The following SAP18 variants were observed in gnomAD, a reference collection of about 807,000 sequenced individuals.
SAP18 encodes the protein histone deacetylase complex subunit SAP18.
SAP18 carries 4 observed loss-of-function variants against 18.6 expected under a neutral mutation model. The observed-to-expected ratio is 0.21, with a 90% CI of 0.11 to 0.49. The LOEUF (loss-of-function observed/expected upper bound fraction) is 0.49, where lower values mean the gene tolerates loss of function less well. Ranked by LOEUF, SAP18 falls within the 20% of genes least tolerant of loss-of-function variation. The probability of loss-of-function intolerance (pLI) is 0.98; values close to 1 mark genes in which losing one functional copy is unlikely to be tolerated. For synonymous variants in SAP18, 112 were observed against 82.8 expected, an observed-to-expected ratio of 1.35 and a Z score of -1.92; for missense variants, 170 against 226.4, an observed-to-expected ratio of 0.75 and a Z score of 1.60.
chr13:21,140,385 C>A (rs1290885936), upstream of SAP18: 3 of 663,570 alleles, frequency 4.5e-6, no homozygotes, highest in African/African-American at 5.5e-5. Flanking sequence ...ACGCTAAGCA[C>A]CTCCTCCCCG....
At chr13:21,142,547 G>A (rs1869506844) in intron 2 of SAP18, among the ~76,000 whole-genome samples, 3 of 151,684 alleles carry the variant, frequency 2.0e-5, no homozygotes, top group South Asian at 2.1e-4. Flanking sequence ...GGCTGGTCTC[G>A]AACTCCTGAC....
At chr13:21,147,348 A>G (rs768581538) in exon 4 of SAP18, 5 of 1,595,988 alleles carry the variant, frequency 3.1e-6, no homozygotes, top group African/African-American at 1.4e-5. Flanking sequence ...ATTAAATTCT[A>G]TTTACTATTT....
At chr13:21,146,895 C>A in exon 3 of SAP18, 1 of 1,612,746 alleles carries the variant, frequency 6.2e-7, no homozygotes, top group South Asian at 1.1e-5. Flanking sequence ...ATTTTGCAAT[C>A]GTTTTTACAG....
upstream of SAP18, among the ~76,000 whole-genome samples, chr13:21,140,325 T>C (rs888865958): frequency 3.3e-5 from 5 of 152,194 alleles, no homozygotes; most frequent in Non-Finnish European, 7.4e-5. Context: ...ATGTCGCCTG[T>C]GAATATTTAA....
intron 2 of SAP18, among the ~76,000 whole-genome samples, chr13:21,141,991 A>G (rs1869484915): frequency 6.6e-6 from 1 of 150,944 alleles, no homozygotes. Flanking sequence ...ATTGTGATGA[A>G]AAGATATATA....
At chr13:21,144,002 A>G (rs114374086) in intron 2 of SAP18, among the ~76,000 whole-genome samples, 2 of 152,188 alleles carry the variant, frequency 1.3e-5, no homozygotes, top group African/African-American at 4.8e-5. Flanking sequence ...GTCCCAAGAG[A>G]AGTTATGGAA....
At chr13:21,146,355 C>T (rs1404595772) in intron 2 of SAP18, 2 of 153,474 alleles carry the variant, frequency 1.3e-5, no homozygotes, top group South Asian at 2.0e-4. Flanking sequence ...AAAAACAAAA[C>T]GTCAGTATGA....
At chr13:21,140,627 C>A (rs964979702) in exon 1 of SAP18, 10 of 1,612,402 alleles carry the variant, frequency 6.2e-6, no homozygotes, top group Non-Finnish European at 8.5e-6. Flanking sequence ...TGGAGTCGCG[C>A]GTTACCCAGG....
At chr13:21,141,952 T>C (rs1869483153) in intron 2 of SAP18, among the ~76,000 whole-genome samples, 1 of 151,010 alleles carries the variant, frequency 6.6e-6, no homozygotes, top group African/African-American at 2.4e-5. Context: ...AGGTGTGAGC[T>C]ACTGCGCCCA....
Position 21,141,108 on chromosome 13 carries a change from G to C in SAP18, c.239+113G>C, listed in dbSNP as rs1039518638. The C allele has an allele frequency of 6.9e-6, 5 of 723,042 alleles. No homozygotes were observed. The Admixed American group carries it at 1.1e-4, about 16-fold the overall frequency. 44.8% of individuals were successfully genotyped at this position (723,042 alleles called of 1,614,324 possible). ...TGATTTCAATTTCATTTCTCCACTT[G>C]GGGCCTTCGGACTCAGCTTTCAGGA... is the stretch of plus-strand genomic sequence containing the variant. On this transcript the variant is annotated intron_variant, in intron 2 of 3. Transcript: ENST00000621421.
At chr13:21,140,369 C>A (rs1452131192), upstream of SAP18, 69 of 612,208 alleles carry the variant, frequency 1.1e-4, no homozygotes, top group Non-Finnish European at 1.7e-5. Flanking sequence ...AACTGCTAGG[C>A]GACGGACGCT....
At chr13:21,140,461 G>T (rs908359977), upstream of SAP18, 3 of 1,409,600 alleles carry the variant, frequency 2.1e-6, no homozygotes, top group African/African-American at 1.4e-5. Flanking sequence ...CGCTCACCAC[G>T]CACGGAAGTG....
rs1869638024 is a variant in SAP18 at position 21,146,039 on chromosome 13, C to CT, written c.240-765dup. ...TCTGTTGTAAAACTTACAATTCTAT[C>CT]TAAGAAAGAAGAAACACATCTGGCT... On this transcript the variant is annotated intron_variant, in intron 2 of 3. Coordinates refer to ENST00000621421, the Ensembl canonical transcript of SAP18. Among the ~76,000 whole-genome samples the CT allele has an allele frequency of 2.6e-5, 4 of 152,236 alleles. 1 individual carries two copies. The South Asian group carries it at 8.3e-4, about 32-fold the overall frequency.
chr13:21,148,875 T>G (rs1437429778), exon 4 of SAP18: 1 of 152,216 alleles, frequency 6.6e-6, no homozygotes, highest in Non-Finnish European at 1.5e-5. Context: ...ACCCTTTGCT[T>G]GGTTCCAACA....
At position 21,140,743 on chromosome 13, in the gene SAP18, G is replaced by A. The variant is rs1221759420; in HGVS notation, c.129+62G>A. The A allele has an allele frequency of 3.8e-6, 6 of 1,596,754 alleles. No homozygotes were observed. The African/African-American group carries it at 6.7e-5, about 18-fold the overall frequency. On this transcript the variant is annotated intron_variant, in intron 1 of 3. Transcript: ENST00000621421. ...TTGGGGATGAGTCCCGCAGGGTGCA[G>A]AGGCGCGGCCTGTGTGCTGGAGGAG...
chr13:21,144,263 G>A (rs1480428922), intron 2 of SAP18, among the ~76,000 whole-genome samples: 1 of 152,022 alleles, frequency 6.6e-6, no homozygotes, highest in Non-Finnish European at 1.5e-5. Flanking sequence ...AAATTAGCCA[G>A]GCATGGTGGC....
chr13:21,140,814 G>A (rs1869438005), intron 1 of SAP18, 72 bp from the exon 2 acceptor site: 1 of 1,574,960 alleles, frequency 6.3e-7, no homozygotes, highest in African/African-American at 1.3e-5. Flanking sequence ...CAACGCCTCG[G>A]GAAGAGAGAT....
Position 21,146,723 on chromosome 13 carries a change from A to C in SAP18, c.240-82A>C. 3 of 1,090,440 alleles carry C rather than the reference A, an allele frequency of 2.8e-6. No homozygotes were observed. The Admixed American group carries it at 8.4e-5, about 31-fold the overall frequency. The allele number at this position is 1,090,440 out of a possible 1,614,324, so 67.5% of individuals were successfully genotyped here. Reference sequence around the variant, plus strand: ...TGTAAATCACAACTCAGATATATGTAATTAACTCATTGTTAGTATCCCTTT... The same window carrying C: ...TGTAAATCACAACTCAGATATATGTCATTAACTCATTGTTAGTATCCCTTT... On this transcript the variant is annotated intron_variant, in intron 2 of 3. Coordinates refer to ENST00000621421, the Ensembl canonical transcript of SAP18.
chr13:21,141,252 T>TA, intron 2 of SAP18: 1 of 531,840 alleles, frequency 1.9e-6, no homozygotes, highest in Non-Finnish European at 3.4e-6. Context: ...CTGTCACTGT[T>TA]ATGGCTGCTA....
Sources: allele counts gnomAD v4.1 joint callset (sites outside exome capture counted in the v4.1 genomes callset), GRCh38; gene constraint gnomAD v4.1.1; transcripts MANE v1.5; gene names NCBI Gene and HGNC (gene_info 2026-07-23, HGNC 2026-07-21).